Variants in PIK3C2G observed in about 807,000 individuals in gnomAD.
The protein encoded by PIK3C2G is phosphatidylinositol-4-phosphate 3-kinase catalytic subunit type 2 gamma.
PIK3C2G carries 168 observed loss-of-function variants against 181.1 expected under a neutral mutation model. The ratio of observed to expected loss-of-function variants is 0.93; its 90% CI spans 0.82 to 1.05. The LOEUF (loss-of-function observed/expected upper bound fraction) is 1.05, where lower values mean the gene tolerates loss of function less well. Among genes scored for constraint, PIK3C2G ranks in the 50% least tolerant of loss-of-function variants. The pLI is 0.00. For missense variants in PIK3C2G, 1,869 were observed against 1,732.8 expected, an observed-to-expected ratio of 1.08 and a Z score of -1.40; for synonymous variants, 573 against 592.2, an observed-to-expected ratio of 0.97 and a Z score of 0.47.
chr12:18,310,942 C>T (rs909757298), intron 5 of PIK3C2G, among the ~76,000 whole-genome samples: 4 of 151,874 alleles, frequency 2.6e-5, no homozygotes, highest in Admixed American at 6.6e-5. Flanking sequence ...AACAGAAATA[C>T]GTGTGTTACC....
intron 8 of PIK3C2G, among the ~76,000 whole-genome samples, chr12:18,334,834 C>G (rs1444995806): frequency 6.6e-6 from 1 of 152,000 alleles, no homozygotes; most frequent in Non-Finnish European, 1.5e-5. Context: ...CCCTCGTACT[C>G]TGGTGTGTGA....
At chr12:18,347,808 ACT>A (rs1939817806) in intron 11 of PIK3C2G, among the ~76,000 whole-genome samples, 1 of 151,228 alleles carries the variant, frequency 6.6e-6, no homozygotes, top group African/African-American at 2.4e-5. Flanking sequence ...ACAGAGTGAG[ACT>A]CTGTCTCAAA....
chr12:18,717,746 T>C, the PIK3C2G span, among the ~76,000 whole-genome samples: 2 of 152,170 alleles, frequency 1.3e-5, no homozygotes, highest in Non-Finnish European at 2.9e-5. Context: ...CTTTCCCTCA[T>C]ATCTCTCTTC....
At chr12:18,298,052 T>G (rs1188600069) in intron 5 of PIK3C2G, among the ~76,000 whole-genome samples, 3 of 152,010 alleles carry the variant, frequency 2.0e-5, no homozygotes, top group African/African-American at 4.8e-5. Context: ...ATAAGTAGGA[T>G]TCCTGAATTG....
chr12:18,701,381 T>C, the PIK3C2G span: 5 of 1,519,446 alleles, frequency 3.3e-6, no homozygotes, highest in South Asian at 1.3e-5. Context: ...TTGTAAATGA[T>C]AGACTAGAGT....
chr12:18,481,151 G>A (rs1939523557), intron 18 of PIK3C2G, among the ~76,000 whole-genome samples: 1 of 151,998 alleles, frequency 6.6e-6, no homozygotes, highest in Non-Finnish European at 1.5e-5. Flanking sequence ...GGCCAGGATG[G>A]TCTCGATGTC....
chr12:18,381,303 CT>C lies in PIK3C2G; in HGVS notation c.1881-452del, dbSNP rs559573764. Among the ~76,000 whole-genome samples, 430 of 146,790 alleles carry C rather than the reference CT, an allele frequency of 2.9e-3. 4 individuals are homozygous for C. In the East Asian group the frequency reaches 0.043, roughly 15 times the overall value. Reference sequence around the variant, plus strand: ...GATCATATGCTATGCTAATTTAAATCTTTTTTTTTTTAATAAATTTAGAACT... The same window carrying C: ...GATCATATGCTATGCTAATTTAAATCTTTTTTTTTTAATAAATTTAGAACT... On this transcript the variant is annotated intron_variant, in intron 13 of 32. Coordinates refer to ENST00000538779, the MANE Select transcript of PIK3C2G (RefSeq NM_001288772.2).
chr12:18,382,188 C>T (rs897993079), intron 14 of PIK3C2G, among the ~76,000 whole-genome samples: 2 of 152,106 alleles, frequency 1.3e-5, no homozygotes, highest in Admixed American at 1.3e-4. Context: ...TGTCTAAAAA[C>T]AGTCATTGGT....
chr12:18,680,743 C>T, the PIK3C2G span, among the ~76,000 whole-genome samples: 1 of 151,968 alleles, frequency 6.6e-6, no homozygotes, highest in Admixed American at 6.6e-5. Context: ...ACATGGGAAG[C>T]CATAGGGCAT....
At chr12:18,435,715 A>C (rs1946406940) in intron 18 of PIK3C2G, among the ~76,000 whole-genome samples, 1 of 151,986 alleles carries the variant, frequency 6.6e-6, no homozygotes, top group African/African-American at 2.4e-5. Flanking sequence ...AAATTCTCAA[A>C]TCTTTCATGC....
chr12:18,701,497 T>C, the PIK3C2G span: 1 of 1,614,040 alleles, frequency 6.2e-7, no homozygotes, highest in East Asian at 2.2e-5. Context: ...AAACACCACC[T>C]CACCTTCTTT....
intron 30 of PIK3C2G, chr12:18,607,193 T>C (rs1163341565): frequency 3.9e-6 from 2 of 515,128 alleles, no homozygotes; most frequent in African/African-American, 1.9e-5. Context: ...AGAAGTTCAA[T>C]AGACAAAAAT....
intron 29 of PIK3C2G, among the ~76,000 whole-genome samples, chr12:18,588,227 C>T (rs2136459026): frequency 6.6e-6 from 1 of 152,114 alleles, no homozygotes; most frequent in East Asian, 1.9e-4. Context: ...AAATCAATCA[C>T]ATCAAAAGGA....
intron 24 of PIK3C2G, among the ~76,000 whole-genome samples, chr12:18,528,026 G>A (rs1049616581): frequency 6.6e-6 from 1 of 152,074 alleles, no homozygotes; most frequent in Non-Finnish European, 1.5e-5. Flanking sequence ...ATTGCAGAGA[G>A]CTTGGAGATC....
intron 30 of PIK3C2G, among the ~76,000 whole-genome samples, chr12:18,603,125 T>C (rs947715556): frequency 1.3e-5 from 2 of 152,012 alleles, no homozygotes; most frequent in Admixed American, 1.3e-4. Flanking sequence ...ATCCAAAATA[T>C]GTTACAAGAA....
chr12:18,296,541 T>G (rs1949950827), intron 5 of PIK3C2G, among the ~76,000 whole-genome samples: 1 of 152,114 alleles, frequency 6.6e-6, no homozygotes, highest in African/African-American at 2.4e-5. Context: ...ATCAACAAAG[T>G]AATAAAGACA....
intron 15 of PIK3C2G, among the ~76,000 whole-genome samples, chr12:18,392,345 G>A (rs4763499): frequency 0.13 from 19,523 of 152,024 alleles, 1,295 homozygotes; most frequent in African/African-American, 0.16. Context: ...CACTGAGTGC[G>A]ATCAGGAGTT....
chr12:18,491,006 TA>T (rs1279662376), intron 19 of PIK3C2G, among the ~76,000 whole-genome samples: 1 of 152,190 alleles, frequency 6.6e-6, no homozygotes, highest in Admixed American at 6.5e-5. Flanking sequence ...CTACTGTACG[TA>T]ATTTTTTTTT....
chr12:18,387,359 G>A (rs1407431106), intron 14 of PIK3C2G, among the ~76,000 whole-genome samples: 1 of 152,050 alleles, frequency 6.6e-6, no homozygotes, highest in Non-Finnish European at 1.5e-5. Flanking sequence ...AGAGGATTAA[G>A]GCCAACCTCT....
Sources: gnomAD v4.1 joint callset for allele counts (sites outside exome capture counted in the v4.1 genomes callset) on GRCh38, gnomAD v4.1.1 for gene constraint, MANE v1.5 for transcripts, NCBI Gene and HGNC (gene_info 2026-07-23, HGNC 2026-07-21) for gene names.